EVI5: variants seen among roughly 807,000 people sequenced by gnomAD.
EVI5 encodes the protein ecotropic viral integration site 5.
Under a neutral mutation model 112.0 loss-of-function variants are expected in EVI5, and 73 were observed. The observed-to-expected ratio is 0.65, with a 90% CI of 0.54 to 0.79. EVI5 has a LOEUF of 0.79. EVI5 is among the 30% of genes least tolerant of loss of function. The pLI is 0.00. For missense variants in EVI5, 900 were observed against 968.8 expected, an observed-to-expected ratio of 0.93 and a Z score of 0.94; for synonymous variants, 305 against 319.9, an observed-to-expected ratio of 0.95 and a Z score of 0.50.
intron 15 of EVI5, among the ~76,000 whole-genome samples, chr1:92,625,006 T>G (rs1655376832): frequency 6.6e-6 from 1 of 152,148 alleles, no homozygotes; most frequent in African/African-American, 2.4e-5. Context: ...CAGTTCAAAT[T>G]TTTTCTCTAT....
chr1:92,524,478 A>G lies in EVI5; in HGVS notation c.2167-10508T>C, dbSNP rs571313574. On this transcript the variant is annotated intron_variant, in intron 19 of 19. Coordinates refer to ENST00000684568, the MANE Select transcript of EVI5 (RefSeq NM_001350197.2). ...AAAAATCAAAATGAAAATAAACATG[A>G]GGCTAGTAAATATTACCTTTAAGAT... Among the ~76,000 whole-genome samples, 118 of 152,358 alleles carry G rather than the reference A, an allele frequency of 7.7e-4. 1 individual carries two copies. Among genetic ancestry groups the G allele is most frequent in the Non-Finnish European group, 1.4e-3 (93 of 68,038 alleles).
At chr1:92,649,505 T>C (rs1557994304) in intron 13 of EVI5, among the ~76,000 whole-genome samples, 1 of 152,206 alleles carries the variant, frequency 6.6e-6, no homozygotes, top group African/African-American at 2.4e-5. Flanking sequence ...TTTAAAAACA[T>C]AAACATGTTA....
chr1:92,702,950 G>A (rs1450990856), intron 4 of EVI5, among the ~76,000 whole-genome samples: 1 of 152,154 alleles, frequency 6.6e-6, no homozygotes, highest in African/African-American at 2.4e-5. Flanking sequence ...AAGTAACTGT[G>A]GGAAGGGAAA....
At chr1:92,723,766 A>C (rs1011489159) in intron 2 of EVI5, among the ~76,000 whole-genome samples, 1 of 152,222 alleles carries the variant, frequency 6.6e-6, no homozygotes, top group African/African-American at 2.4e-5. Context: ...GAACAGAGCC[A>C]TATTTTTCTT....
rs193280153 is a variant in EVI5, at chr1:92,730,877, T to C, written c.149+5521A>G. ...TGGTCAAGAAAATAAATAAAAGGCA[T>C]CCAGATTGGAAAGAAGCAAAAGTGC... On this transcript the variant is annotated intron_variant, in intron 2 of 19. Transcript: ENST00000684568. 2.3e-4 allele frequency among the ~76,000 whole-genome samples: 35 copies of C among 152,096 alleles called. 1 individual carries two copies. Among genetic ancestry groups the C allele is most frequent in the Admixed American group, 2.0e-3 (31 of 15,266 alleles).
At chr1:92,670,924 G>A (rs903581234) in intron 10 of EVI5, among the ~76,000 whole-genome samples, 10 of 151,516 alleles carry the variant, frequency 6.6e-5, no homozygotes, top group African/African-American at 9.7e-5. Flanking sequence ...TCCTAACTTC[G>A]CACTAAATTC....
intron 14 of EVI5, among the ~76,000 whole-genome samples, chr1:92,632,593 G>A (rs1038132075): frequency 1.8e-4 from 28 of 151,686 alleles, no homozygotes; most frequent in African/African-American, 4.3e-4. Context: ...TCTTGCTAGC[G>A]GTCTATTTTG....
At chr1:92,722,008 T>C (rs1247189465) in intron 2 of EVI5, among the ~76,000 whole-genome samples, 3 of 150,816 alleles carry the variant, frequency 2.0e-5, no homozygotes, top group Non-Finnish European at 2.9e-5. Flanking sequence ...GTAAGTGCTT[T>C]ACTTTGTCAG....
intron 1 of EVI5, among the ~76,000 whole-genome samples, chr1:92,743,181 C>T (rs1333408804): frequency 1.3e-5 from 2 of 152,066 alleles, no homozygotes; most frequent in African/African-American, 2.4e-5. Flanking sequence ...GGCAAAACCC[C>T]GTGTCTACTA....
At chr1:92,781,705 T>TC (rs1418892475) in intron 1 of EVI5, among the ~76,000 whole-genome samples, 1 of 151,554 alleles carries the variant, frequency 6.6e-6, no homozygotes. Flanking sequence ...TCACAACACT[T>TC]TGGGAGGCTG....
At chr1:92,634,898 G>C (rs1225958730) in intron 14 of EVI5, among the ~76,000 whole-genome samples, 1 of 152,194 alleles carries the variant, frequency 6.6e-6, no homozygotes, top group Non-Finnish European at 1.5e-5. Context: ...CCTTCTACCA[G>C]TCAGGACCCT....
intron 19 of EVI5, among the ~76,000 whole-genome samples, chr1:92,517,250 A>G (rs1388614620): frequency 1.3e-5 from 2 of 152,216 alleles, no homozygotes; most frequent in African/African-American, 2.4e-5. Context: ...ACAGTATAAC[A>G]ACTATTTACA....
chr1:92,546,924 C>G (rs1433078962), intron 19 of EVI5, among the ~76,000 whole-genome samples: 2 of 152,086 alleles, frequency 1.3e-5, no homozygotes, highest in East Asian at 3.9e-4. Flanking sequence ...CCACTGTCAA[C>G]ATTAGACAGA....
At chr1:92,534,260 A>G (rs1220399697) in intron 19 of EVI5, among the ~76,000 whole-genome samples, 3 of 152,226 alleles carry the variant, frequency 2.0e-5, no homozygotes, top group African/African-American at 7.2e-5. Context: ...ACTACAAACC[A>G]CTGCTCAAGG....
intron 19 of EVI5, among the ~76,000 whole-genome samples, chr1:92,550,328 C>T (rs1335823943): frequency 1.7e-5 from 2 of 115,570 alleles, no homozygotes; most frequent in Admixed American, 2.5e-4. Context: ...AGGGGAACAT[C>T]ACACACTGGG....
At chr1:92,690,649 C>T (rs1251135412) in intron 9 of EVI5, among the ~76,000 whole-genome samples, 2 of 151,988 alleles carry the variant, frequency 1.3e-5, no homozygotes, top group Non-Finnish European at 2.9e-5. Flanking sequence ...TGTGCCTGGC[C>T]CTCAATAATA....
intron 16 of EVI5, among the ~76,000 whole-genome samples, chr1:92,623,836 T>C (rs1179919482): frequency 1.3e-5 from 2 of 152,212 alleles, no homozygotes; most frequent in African/African-American, 4.8e-5. Context: ...TAAAACAAAG[T>C]ATCTTCTAGC....
At chr1:92,697,725 A>C in intron 6 of EVI5, 135 bp downstream of exon 6, 2 of 720,956 alleles carry the variant, frequency 2.8e-6, no homozygotes, top group South Asian at 3.8e-5. Context: ...CAACCAAAAA[A>C]CAATCATGTA....
Position 92,534,937 on chromosome 1 carries a change from C to T in EVI5, c.2167-20967G>A, listed in dbSNP as rs552690958. Among the ~76,000 whole-genome samples, 152 of 152,178 alleles carry T rather than the reference C, an allele frequency of 1.0e-3. 1 individual carries two copies. The highest frequency in any genetic ancestry group is 3.5e-3 in the African/African-American group (146 of 41,510). ...AATAGACAAATGGGATCTAACTAAA[C>T]TAAAGAGCTTCTGCACAGCAAAAGA... is the stretch of plus-strand genomic sequence containing the variant. On this transcript the variant is annotated intron_variant, in intron 19 of 19. Coordinates refer to ENST00000684568, the MANE Select transcript of EVI5 (RefSeq NM_001350197.2).
Sources: allele counts gnomAD v4.1 joint callset (sites outside exome capture counted in the v4.1 genomes callset), GRCh38; gene constraint gnomAD v4.1.1; transcripts MANE v1.5; gene names NCBI Gene and HGNC (gene_info 2026-07-23, HGNC 2026-07-21).